ZNF469: variants seen among roughly 807,000 people sequenced by gnomAD.
The protein encoded by ZNF469 is zinc finger protein 469.
A neutral mutation model predicts 1.0 loss-of-function variants in ZNF469; 1 was observed. That is an observed-to-expected ratio of 1.00 (90% CI 0.35 to 4.73). The LOEUF (loss-of-function observed/expected upper bound fraction) is 4.73, where lower values mean the gene tolerates loss of function less well. Ranked by LOEUF, ZNF469 falls within the 30% of genes most tolerant of loss-of-function variation. The pLI is 0.16. For missense variants in ZNF469, 6,100 were observed against 5,356.3 expected, an observed-to-expected ratio of 1.14 and a Z score of -4.33; for synonymous variants, 2,703 against 2,363.4, an observed-to-expected ratio of 1.14 and a Z score of -4.17.
chr16:88,243,060 T>C, the ZNF469 span, among the ~76,000 whole-genome samples: 1 of 152,272 alleles, frequency 6.6e-6, no homozygotes, highest in Admixed American at 6.5e-5. Flanking sequence ...GCCCGGGTAT[T>C]CTGCATCCCC....
At chr16:88,277,616 C>T in the ZNF469 span, among the ~76,000 whole-genome samples, 1 of 148,750 alleles carries the variant, frequency 6.7e-6, no homozygotes, top group Non-Finnish European at 1.5e-5. Flanking sequence ...TCCGTCAGTA[C>T]TGTGTAGATA....
chr16:88,287,802 G>A, the ZNF469 span, among the ~76,000 whole-genome samples: 9 of 152,232 alleles, frequency 5.9e-5, no homozygotes, highest in Admixed American at 1.3e-4. Context: ...TCACCCTGCC[G>A]CATTAGCCTT....
chr16:88,305,520 GCA>G, the ZNF469 span, among the ~76,000 whole-genome samples: 5 of 96,948 alleles, frequency 5.2e-5, no homozygotes, highest in South Asian at 3.8e-4. Context: ...TCACACACAT[GCA>G]CACACACGCT....
Position 88,436,964 on chromosome 16 carries a change from A to G in ZNF469, c.9494A>G (p.Glu3165Gly). Residue 3165 changes from glutamate to glycine, a missense_variant, in exon 3 of 3, where the codon GAG becomes GGG. Coordinates refer to ENST00000565624, the MANE Select transcript of ZNF469 (RefSeq NM_001367624.2). The stretch of plus-strand genomic sequence containing the variant: ...GAGCTGCTGCGGGGGCACCTGCAGG[A>G]GAGGCACGCGCAGAGCAAGGCCGGG... ...SRELLRGHLQ[E>G]RHAQSKAGPW... 4.7e-6 allele frequency: 7 copies of G among 1,499,980 alleles called. No homozygotes were observed. The highest frequency in any genetic ancestry group is 6.2e-6 in the Non-Finnish European group (7 of 1,125,842). 92.9% of individuals were successfully genotyped at this position (1,499,980 alleles called of 1,614,324 possible). A position where few individuals can be genotyped will look rare whatever the true frequency, so the allele number is the denominator to read the frequency against.
Position 88,433,158 on chromosome 16 carries a change from A to C in ZNF469, c.5688A>C (p.Pro1896=). 1 of 1,550,344 alleles carries C rather than the reference A, an allele frequency of 6.5e-7. No homozygotes were observed. Among genetic ancestry groups the C allele is most frequent in the South Asian group, 1.2e-5 (1 of 84,068 alleles). ...NTHPSRRSQD[P]ALSPPIRQLQ... Reference sequence around the variant, plus strand: ...ACCCTAGCAGGAGGTCCCAGGACCCAGCTTTGAGCCCCCCCATACGTCAGC... The same window carrying C: ...ACCCTAGCAGGAGGTCCCAGGACCCCGCTTTGAGCCCCCCCATACGTCAGC... Residue 1896 remains proline (P), a synonymous_variant, in exon 3 of 3, where the codon CCA becomes CCC. Transcript: ENST00000565624.
At chr16:88,270,212 C>T in the ZNF469 span, among the ~76,000 whole-genome samples, 1 of 152,176 alleles carries the variant, frequency 6.6e-6, no homozygotes, top group African/African-American at 2.4e-5. Context: ...TGGCCAGGGC[C>T]CTGCTCCCCA....
chr16:88,312,263 G>A, the ZNF469 span, among the ~76,000 whole-genome samples: 1 of 152,242 alleles, frequency 6.6e-6, no homozygotes, highest in Admixed American at 6.5e-5. Context: ...TTTGGGTGGG[G>A]ACACAGCCAA....
the ZNF469 span, among the ~76,000 whole-genome samples, chr16:88,349,720 C>CACTA: frequency 1.4e-5 from 2 of 146,630 alleles, no homozygotes; most frequent in South Asian, 2.2e-4. Flanking sequence ...AAGTACACAT[C>CACTA]CAGCACAATA....
chr16:88,280,558 G>A, the ZNF469 span, among the ~76,000 whole-genome samples: 4 of 149,160 alleles, frequency 2.7e-5, no homozygotes, highest in African/African-American at 5.0e-5. Flanking sequence ...CCACGCTGAT[G>A]CTTGATCAGT....
chr16:88,120,703 C>A, the ZNF469 span, among the ~76,000 whole-genome samples: 1 of 152,234 alleles, frequency 6.6e-6, no homozygotes, highest in Non-Finnish European at 1.5e-5. Context: ...CGTCAGGACA[C>A]GTGGCAGCTC....
chr16:88,151,414 C>T, the ZNF469 span, among the ~76,000 whole-genome samples: 5 of 152,228 alleles, frequency 3.3e-5, no homozygotes, highest in African/African-American at 9.6e-5. This position sits in a 1 kb window ranked among gnomAD's most constrained non-coding sequence, Gnocchi z 5.4. Context: ...TGAGTGTTTC[C>T]CGATGGAACG....
Position 88,438,747 on chromosome 16 carries a change from C to A in ZNF469, c.11277C>A (p.Ser3759Arg). Residue 3759 changes from serine (S) to arginine (R), a missense_variant, in exon 3 of 3, where the codon AGC (serine) becomes AGA (arginine). Transcript: ENST00000565624. ...AGCCAGCCAGCGGGCAGCTCCAGAG[C>A]GAGACAGCCACCACCCCAGCCAAGC... is the stretch of plus-strand genomic sequence containing the variant. ...QPQPASGQLQ[S>R]ETATTPAKPS... 1 of 1,550,034 alleles carries A rather than the reference C, an allele frequency of 6.5e-7. No individual in the cohort carries two copies. Among genetic ancestry groups the A allele is most frequent in the Non-Finnish European group, 8.7e-7 (1 of 1,146,874 alleles).
the ZNF469 span, among the ~76,000 whole-genome samples, chr16:88,211,290 T>A: frequency 6.6e-6 from 1 of 152,226 alleles, no homozygotes; most frequent in African/African-American, 2.4e-5. Flanking sequence ...AGATGCAGAA[T>A]CACTAGAAGA....
the ZNF469 span, among the ~76,000 whole-genome samples, chr16:88,326,297 T>G: frequency 1.3e-5 from 2 of 152,132 alleles, no homozygotes; most frequent in South Asian, 2.1e-4. Flanking sequence ...AACTCATTCT[T>G]TTTGCCTGCT....
In ZNF469 at chr16:88,439,794, G is replaced by C. The variant is rs185208626; in HGVS notation, c.*462G>C. ...GCTGCTGTTGCTGGAATTCCAAAGT[G>C]ACCTTAGAAACCACGTGGGGGAAGG... On this transcript the variant is annotated 3_prime_UTR_variant, in exon 3 of 3. Transcript: ENST00000565624. 6.6e-4 allele frequency: 156 copies of C among 237,056 alleles called. 1 individual carries two copies. Among genetic ancestry groups the C allele is most frequent in the African/African-American group, 3.5e-3 (152 of 43,580 alleles). 14.7% of individuals were successfully genotyped at this position (237,056 alleles called of 1,614,324 possible).
intron 1 of ZNF469, among the ~76,000 whole-genome samples, chr16:88,388,548 A>G (rs1205902477): frequency 6.6e-6 from 1 of 152,364 alleles, no homozygotes; most frequent in East Asian, 1.9e-4. Flanking sequence ...CCAGCCGGGC[A>G]CTGCCCACTG....
the ZNF469 span, among the ~76,000 whole-genome samples, chr16:88,366,304 A>G: frequency 5.9e-5 from 9 of 151,750 alleles, no homozygotes; most frequent in African/African-American, 2.2e-4. Context: ...CATCATCACC[A>G]TCATCACTAT....
chr16:88,435,821 G>C lies in ZNF469; in HGVS notation c.8351G>C (p.Arg2784Pro). ...GAGGACAGCAGCAGGGCCCACAGCCGATCAGAGGAAGGTGTCTGGGAGGAG... is the reference window on the plus strand; with the variant it reads ...GAGGACAGCAGCAGGGCCCACAGCCCATCAGAGGAAGGTGTCTGGGAGGAG... Reference protein sequence around the residue: ...PAEDSSRAHSRSEEGVWEENT... With the variant: ...PAEDSSRAHSPSEEGVWEENT... Residue 2784 changes from arginine to proline, a missense_variant, in exon 3 of 3, where the codon CGA (arginine) becomes CCA (proline). Physicochemically the swap from Arg to Pro is moderately radical, Grantham distance 103 (BLOSUM62 -2). Transcript: ENST00000565624. 6.4e-7 allele frequency: 1 copy of C among 1,550,534 alleles called. No homozygotes were observed. Among genetic ancestry groups the C allele is most frequent in the Non-Finnish European group, 8.7e-7 (1 of 1,146,932 alleles).
the ZNF469 span, among the ~76,000 whole-genome samples, chr16:88,344,724 G>A: frequency 6.6e-6 from 1 of 152,260 alleles, no homozygotes; most frequent in African/African-American, 2.4e-5. Context: ...GGTGGACCCA[G>A]GATGCAGCCG....
Sources: allele counts gnomAD v4.1 joint callset (sites outside exome capture counted in the v4.1 genomes callset), GRCh38; gene constraint gnomAD v4.1.1; non-coding constraint Gnocchi (gnomAD v3.1); transcripts MANE v1.5; gene names NCBI Gene and HGNC (gene_info 2026-07-23, HGNC 2026-07-21).